Variants in TMEM150B observed in about 807,000 individuals in gnomAD.
The protein encoded by TMEM150B is modulator of macroautophagy TMEM150B.
TMEM150B carries 33 observed loss-of-function variants against 25.2 expected under a neutral mutation model. The ratio of observed to expected loss-of-function variants is 1.31; its 90% CI spans 0.99 to 1.75. TMEM150B has a LOEUF of 1.75. TMEM150B is among the 40% of genes most tolerant of loss of function. The pLI, the probability that TMEM150B is intolerant of heterozygous loss-of-function variation, is 0.00. For synonymous variants in TMEM150B, 133 were observed against 134.8 expected (o/e 0.99, Z 0.09); for missense variants, 322 against 306.1 (o/e 1.05, Z -0.39).
chr19:55,316,152 C>T (rs964770051), intron 7 of TMEM150B, among the ~76,000 whole-genome samples: 2 of 152,022 alleles, frequency 1.3e-5, no homozygotes, highest in Non-Finnish European at 1.5e-5. Context: ...TGGCATCTGC[C>T]AATTACAGTG....
intron 1 of TMEM150B, 123 bp downstream of exon 1, chr19:55,325,149 G>T: frequency 2.4e-6 from 1 of 416,034 alleles, no homozygotes; most frequent in Non-Finnish European, 3.2e-6. Flanking sequence ...GCACAAAGAT[G>T]AGTTTGGCTC....
chr19:55,315,128 C>T (rs769179517), intron 7 of TMEM150B, among the ~76,000 whole-genome samples: 4 of 151,714 alleles, frequency 2.6e-5, no homozygotes, highest in Non-Finnish European at 4.4e-5. Context: ...CCAGCCTGCC[C>T]AGCATGGTGA....
intron 7 of TMEM150B, 34 bp downstream of exon 7, chr19:55,316,752 C>T (rs771857964): frequency 2.1e-6 from 3 of 1,448,232 alleles, no homozygotes; most frequent in South Asian, 3.1e-5. Flanking sequence ...TGAAGAGCCA[C>T]CTCCAAGCCC....
intron 2 of TMEM150B, 60 bp downstream of exon 2, chr19:55,322,588 C>G (rs1379582344): frequency 9.7e-6 from 8 of 821,846 alleles, no homozygotes; most frequent in Non-Finnish European, 1.2e-5. Flanking sequence ...GGAGTTTCTC[C>G]CTGCCCTCCC....
At chr19:55,319,752 G>T in intron 6 of TMEM150B, 1 of 1,236,814 alleles carries the variant, frequency 8.1e-7, no homozygotes, top group Non-Finnish European at 1.0e-6. Context: ...GCCTGGACCA[G>T]TAATTTCATC....
chr19:55,310,429 G>C (rs961124838), downstream of TMEM150B, among the ~76,000 whole-genome samples: 2 of 152,066 alleles, frequency 1.3e-5, no homozygotes, highest in Non-Finnish European at 2.9e-5. This position sits in a 1 kb window ranked among gnomAD's most constrained non-coding sequence, Gnocchi z 5.0. Flanking sequence ...CCCCCAACTC[G>C]TGGTCCCTCA....
At chr19:55,316,292 A>G (rs567863571) in intron 7 of TMEM150B, among the ~76,000 whole-genome samples, 85 of 152,256 alleles carry the variant, frequency 5.6e-4, no homozygotes, top group African/African-American at 2.0e-3. Context: ...CACCAGCTCC[A>G]TTGCAGAACC....
At chr19:55,310,030 T>C (rs2088748292), downstream of TMEM150B, among the ~76,000 whole-genome samples, 1 of 152,196 alleles carries the variant, frequency 6.6e-6, no homozygotes, top group Admixed American at 6.5e-5. This position sits in a 1 kb window ranked among gnomAD's most constrained non-coding sequence, Gnocchi z 5.0. Context: ...GCTTTGGCCT[T>C]GTCACCAGAA....
At position 55,312,963 on chromosome 19, in the gene TMEM150B, C is replaced by T. The variant is rs1290317365; in HGVS notation, c.598G>A (p.Ala200Thr). The change falls in exon 8 of 8, where the codon GCC becomes ACC. Residue 200 changes from alanine (A) to threonine (T), a missense_variant. Transcript: ENST00000326652. Reference protein sequence around the residue: ...MLLFALFGLLAVDFSALESCT... With the variant: ...MLLFALFGLLTVDFSALESCT... ...CTCTCCAGGGCGGAGAAGTCAACGG[C>T]TAAGAGACCGAAGAGCGCGAACAGC... 3.7e-6 allele frequency: 6 copies of T among 1,613,422 alleles called. No homozygotes were observed. In the African/African-American group the frequency reaches 4.0e-5, roughly 11 times the overall value.
downstream of TMEM150B, among the ~76,000 whole-genome samples, chr19:55,310,680 A>G (rs2088767302): frequency 2.0e-5 from 3 of 152,278 alleles, no homozygotes; most frequent in African/African-American, 7.2e-5. The surrounding 1 kb of genome is among the most constrained non-coding windows in gnomAD (Gnocchi z 5.0). Flanking sequence ...TTCACAGAAC[A>G]GCCCCCCACG....
At position 55,315,086 on chromosome 19, in the gene TMEM150B, C is replaced by T. The variant is rs537125150; in HGVS notation, c.505+1700G>A. 6.6e-5 allele frequency among the ~76,000 whole-genome samples: 10 copies of T among 151,368 alleles called. No individual in the cohort carries two copies. The South Asian group carries it at 1.0e-3, about 16-fold the overall frequency. On this transcript the variant is annotated intron_variant, in intron 7 of 7. Coordinates refer to ENST00000326652, the MANE Select transcript of TMEM150B (RefSeq NM_001282011.2). ...ATCCCAGCACTTTGGGAGGCCGAGGCGGGCAGATCACCTGAGGTCAGGAGT... is the reference window on the plus strand; with the variant it reads ...ATCCCAGCACTTTGGGAGGCCGAGGTGGGCAGATCACCTGAGGTCAGGAGT...
Position 55,321,025 on chromosome 19 carries a change from G to T in TMEM150B, c.12C>A (p.Tyr4Ter), listed in dbSNP as rs779545113. The change falls in exon 3 of 8, where the codon TAC becomes TAA. Residue 4 changes from tyrosine to a stop codon, truncating the protein, a stop_gained. Coordinates refer to ENST00000326652, the MANE Select transcript of TMEM150B (RefSeq NM_001282011.2). LOFTEE classifies it high-confidence loss of function. ...CTAGGAAGACAGGCATCAGCGACAG[G>T]TAGCCCCACATGCCGGGCTCTGCAG... MWG[Y>*]LSLMPVFLAV... 2 of 1,613,706 alleles carry T rather than the reference G, an allele frequency of 1.2e-6. No homozygotes were observed. Among genetic ancestry groups the T allele is most frequent in the Admixed American group, 1.7e-5 (1 of 59,942 alleles).
intron 3 of TMEM150B, among the ~76,000 whole-genome samples, 157 bp downstream of exon 3, chr19:55,320,812 C>T (rs1394282824): frequency 6.6e-6 from 1 of 150,398 alleles, no homozygotes; most frequent in African/African-American, 2.5e-5. Context: ...ACCCCCAGCC[C>T]CTCCTCCCTC....
Position 55,313,057 on chromosome 19 carries a change from T to C in TMEM150B, c.506-2A>G. 1.2e-6 allele frequency: 2 copies of C among 1,607,518 alleles called. No individual in the cohort carries two copies. The highest frequency in any genetic ancestry group is 2.2e-5 in the East Asian group (1 of 44,674). The stretch of plus-strand genomic sequence containing the variant: ...GCGAGCAGGCGTGGAGGACGATCAC[T>C]GCCCCAGGGTCAAGGGCCACACTGC... On this transcript the variant is annotated splice_acceptor_variant, in intron 7 of 7. Transcript: ENST00000326652. LOFTEE classifies it high-confidence loss of function.
chr19:55,316,746 G>A (rs748037684), intron 7 of TMEM150B, 40 bp downstream of exon 7: 2 of 1,433,510 alleles, frequency 1.4e-6, no homozygotes, highest in South Asian at 3.3e-5. Flanking sequence ...CTCCAGTGAA[G>A]AGCCACCTCC....
chr19:55,320,519 C>T (rs369604823), intron 4 of TMEM150B, 39 bp downstream of exon 4: 72 of 1,612,262 alleles, frequency 4.5e-5, no homozygotes, highest in South Asian at 6.6e-5. Flanking sequence ...TTTCCTGCAG[C>T]GGCGATCCCC....
chr19:55,313,024 G>C lies in TMEM150B; in HGVS notation c.537C>G (p.Ser179Arg). ...MIVLHACSLR[S>R]VSAACEWVVA... ...CGACCCACTCGCAGGCCGCAGAGAC[G>C]CTACGCAGCGAGCAGGCGTGGAGGA... The change falls in exon 8 of 8, where the codon AGC (serine) becomes AGG (arginine). Residue 179 changes from serine to arginine, a missense_variant. Transcript: ENST00000326652. 1 of 1,613,124 alleles carries C rather than the reference G, an allele frequency of 6.2e-7. No individual in the cohort carries two copies. The highest frequency in any genetic ancestry group is 1.1e-5 in the South Asian group (1 of 90,988).
chr19:55,316,681 GC>G (rs2089011370), intron 7 of TMEM150B, 104 bp downstream of exon 7: 5 of 1,181,684 alleles, frequency 4.2e-6, no homozygotes, highest in Non-Finnish European at 5.6e-6. Flanking sequence ...AAAGAGTGAG[GC>G]CCAGAGAAAG....
rs779463242 is a variant in TMEM150B, at chr19:55,313,034, G to A, written c.527C>T (p.Ser176Leu). 5.7e-5 allele frequency: 92 copies of A among 1,612,242 alleles called. No homozygotes were observed. The Middle Eastern group carries it at 2.8e-3, about 48-fold the overall frequency. The change falls in exon 8 of 8, where the codon TCG becomes TTG. Residue 176 changes from serine (S) to leucine (L), a missense_variant. Transcript: ENST00000326652. ...IVAMIVLHAC[S>L]LRSVSAACEW... Reference sequence around the variant, plus strand: ...GCAGGCCGCAGAGACGCTACGCAGCGAGCAGGCGTGGAGGACGATCACTGC... The same window carrying A: ...GCAGGCCGCAGAGACGCTACGCAGCAAGCAGGCGTGGAGGACGATCACTGC...
Sources: gnomAD v4.1 joint callset for allele counts (sites outside exome capture counted in the v4.1 genomes callset) on GRCh38, gnomAD v4.1.1 for gene constraint, Gnocchi (gnomAD v3.1) non-coding constraint, MANE v1.5 for transcripts, NCBI Gene and HGNC (gene_info 2026-07-23, HGNC 2026-07-21) for gene names.